Variants in ATF2 observed in about 807,000 individuals in gnomAD.
ATF2 encodes the protein activating transcription factor 2, also known as cyclic AMP-dependent transcription factor ATF-2.
ATF2 carries 24 observed loss-of-function variants against 60.6 expected under a neutral mutation model. The observed-to-expected ratio is 0.40, with a 90% confidence interval of 0.29 to 0.56. The LOEUF is 0.56. Ranked by LOEUF, ATF2 falls within the 20% of genes least tolerant of loss-of-function variation. The pLI is 0.54. For synonymous variants in ATF2, 206 were observed against 215.4 expected (o/e 0.96, Z 0.38); for missense variants, 433 against 607.7 (o/e 0.71, Z 3.02).
At chr2:175,080,889 T>C (rs1693713497) in intron 12 of ATF2, 124 bp from the exon 13 acceptor site, 5 of 664,122 alleles carry the variant, frequency 7.5e-6, no homozygotes, top group East Asian at 5.3e-5. Flanking sequence ...AAAGAAAATA[T>C]GCTGATTAAA....
At chr2:175,102,425 AT>A (rs2105628867) in intron 10 of ATF2, among the ~76,000 whole-genome samples, 1 of 152,316 alleles carries the variant, frequency 6.6e-6, no homozygotes, top group Non-Finnish European at 1.5e-5. Flanking sequence ...AATTTAATAT[AT>A]GTAAATAAGG....
At chr2:175,084,596 T>TA (rs1412363520) in intron 12 of ATF2, among the ~76,000 whole-genome samples, 1 of 148,318 alleles carries the variant, frequency 6.7e-6, no homozygotes, top group Non-Finnish European at 1.5e-5. Flanking sequence ...TATACATATG[T>TA]AACTAACCGG....
At chr2:175,148,169 C>G (rs888232587) in intron 2 of ATF2, among the ~76,000 whole-genome samples, 8 of 152,046 alleles carry the variant, frequency 5.3e-5, no homozygotes, top group Non-Finnish European at 1.2e-4. Flanking sequence ...TGATGCCCAA[C>G]TATGTCTTGT....
chr2:175,153,526 T>G (rs1245216720), intron 1 of ATF2, among the ~76,000 whole-genome samples: 1 of 151,998 alleles, frequency 6.6e-6, no homozygotes, highest in African/African-American at 2.4e-5. Flanking sequence ...AAAAACACAG[T>G]ACAAAAGATT....
chr2:175,108,693 A>T (rs1695937552), intron 10 of ATF2, among the ~76,000 whole-genome samples: 1 of 152,184 alleles, frequency 6.6e-6, no homozygotes, highest in Non-Finnish European at 1.5e-5. Flanking sequence ...CAGCTCATTG[A>T]GAACGGGCCA....
intron 12 of ATF2, among the ~76,000 whole-genome samples, chr2:175,085,727 T>C (rs187900435): frequency 1.3e-3 from 192 of 152,188 alleles, no homozygotes; most frequent in African/African-American, 4.5e-3. Context: ...AACATATAGT[T>C]GTAACATGAA....
intron 2 of ATF2, among the ~76,000 whole-genome samples, chr2:175,143,835 C>G (rs1698762165): frequency 6.6e-6 from 1 of 152,138 alleles, no homozygotes; most frequent in Non-Finnish European, 1.5e-5. Flanking sequence ...CTCTGTCACC[C>G]AGGCTGGAGT....
At chr2:175,145,871 A>G (rs866511187) in intron 2 of ATF2, among the ~76,000 whole-genome samples, 3 of 152,076 alleles carry the variant, frequency 2.0e-5, no homozygotes, top group African/African-American at 4.8e-5. Flanking sequence ...AGAGGGTTCT[A>G]TGAACCCATA....
At chr2:175,133,200 G>A (rs1027605471) in intron 3 of ATF2, among the ~76,000 whole-genome samples, 4 of 152,106 alleles carry the variant, frequency 2.6e-5, no homozygotes, top group African/African-American at 7.2e-5. Flanking sequence ...AGGCAGTCAT[G>A]AAGAATTGTA....
At chr2:175,081,991 G>C (rs1693790015) in intron 12 of ATF2, among the ~76,000 whole-genome samples, 1 of 152,218 alleles carries the variant, frequency 6.6e-6, no homozygotes. Flanking sequence ...CCAGGAAGCA[G>C]AGGCTGCAGT....
chr2:175,155,872 T>A (rs1226456867), intron 1 of ATF2, among the ~76,000 whole-genome samples: 2 of 152,152 alleles, frequency 1.3e-5, no homozygotes, highest in Non-Finnish European at 2.9e-5. Flanking sequence ...GAAATTATAT[T>A]TTTTTCAACA....
chr2:175,116,501 G>C (rs557581639), intron 7 of ATF2, among the ~76,000 whole-genome samples: 1 of 152,186 alleles, frequency 6.6e-6, no homozygotes, highest in African/African-American at 2.4e-5. Context: ...GTAATGTCAA[G>C]ATGGAGTTGG....
chr2:175,095,436 G>A (rs910662724), intron 11 of ATF2, among the ~76,000 whole-genome samples: 2 of 152,160 alleles, frequency 1.3e-5, no homozygotes, highest in Admixed American at 6.6e-5. Flanking sequence ...TCATCTGGCT[G>A]AATAAGAGAG....
At chr2:175,167,191 C>T (rs2105391672) in intron 1 of ATF2, among the ~76,000 whole-genome samples, 1 of 152,180 alleles carries the variant, frequency 6.6e-6, no homozygotes, top group Middle Eastern at 3.4e-3. Flanking sequence ...CTCTCTTTTT[C>T]CTCCTAGGTT....
intron 12 of ATF2, among the ~76,000 whole-genome samples, chr2:175,092,092 TA>T (rs558958107): frequency 6.6e-6 from 1 of 152,130 alleles, no homozygotes; most frequent in Non-Finnish European, 1.5e-5. Flanking sequence ...TGCTTCACAT[TA>T]AAAAAATTTA....
At chr2:175,144,892 A>G (rs1003395793) in intron 2 of ATF2, among the ~76,000 whole-genome samples, 5 of 152,224 alleles carry the variant, frequency 3.3e-5, no homozygotes, top group Admixed American at 6.5e-5. Context: ...ATGGAGAGGA[A>G]AGGTGAGTGC....
Position 175,140,999 on chromosome 2 carries a change from GAAAAAAA to G in ATF2, c.-43-4520_-43-4514del, listed in dbSNP as rs869208203. Among the ~76,000 whole-genome samples the G allele has an allele frequency of 8.7e-3, 232 of 26,694 alleles. 1 individual carries two copies. The highest frequency in any genetic ancestry group is 0.044 in the East Asian group (34 of 768). The allele number at this position is 26,694 out of a possible 152,430, so 17.5% of individuals were successfully genotyped here. ...GGGATAGAGCAAGACCCTATCTCAG[GAAAAAAA>G]AAAAAAAAAAAAAAAAAAAAAAAAA... On this transcript the variant is annotated intron_variant, in intron 2 of 13. Coordinates refer to ENST00000264110, the MANE Select transcript of ATF2 (RefSeq NM_001880.4).
At chr2:175,165,735 T>C (rs566529603) in intron 1 of ATF2, among the ~76,000 whole-genome samples, 5 of 152,218 alleles carry the variant, frequency 3.3e-5, no homozygotes, top group Admixed American at 6.5e-5. Context: ...AGTGGCGCCA[T>C]CTCGGCTCAC....
chr2:175,109,035 G>A (rs943446403), intron 10 of ATF2, among the ~76,000 whole-genome samples: 8 of 152,040 alleles, frequency 5.3e-5, no homozygotes, highest in Non-Finnish European at 7.4e-5. Flanking sequence ...CAAACACTGC[G>A]GAAGGCCGCA....
Sources: gnomAD v4.1 joint callset for allele counts (sites outside exome capture counted in the v4.1 genomes callset) on GRCh38, gnomAD v4.1.1 for gene constraint, MANE v1.5 for transcripts, NCBI Gene and HGNC (gene_info 2026-07-23, HGNC 2026-07-21) for gene names.